Variants in ARHGEF11 observed in about 807,000 individuals in gnomAD.
ARHGEF11 encodes Rho guanine nucleotide exchange factor 11.
In ARHGEF11, 55 loss-of-function variants were observed where a neutral mutation model predicts 193.7. The observed-to-expected ratio is 0.28, with a 90% CI of 0.23 to 0.36. The LOEUF is 0.36. ARHGEF11 is among the 10% of genes least tolerant of loss of function. The pLI is 1.00. For missense variants in ARHGEF11, 1,723 were observed against 2,005.6 expected (o/e 0.86, Z 2.69); for synonymous variants, 693 against 768.0 (o/e 0.90, Z 1.62).
Position 156,937,382 on chromosome 1 carries a change from G to A in ARHGEF11, c.4307C>T (p.Pro1436Leu), listed in dbSNP as rs1381136751. Residue 1436 changes from proline (P) to leucine (L), a missense_variant, in exon 39 of 41, where the codon CCT (proline) becomes CTT (leucine). Transcript: ENST00000368194. ...GTTGCCTCCCTGCAGCTGAGGCTGA[G>A]GCTCTGTCTGCCCTGCAGGGAGGCT... is the stretch of plus-strand genomic sequence containing the variant. ...PDSLPAGQTE[P>L]QPQLQGGNDD... is the part of the protein sequence containing the mutation. 1.2e-6 allele frequency: 2 copies of A among 1,608,040 alleles called. No individual in the cohort carries two copies. The highest frequency in any genetic ancestry group is 1.1e-5 in the South Asian group (1 of 89,730).
At chr1:157,045,889 C>T (rs1000089680), upstream of ARHGEF11, among the ~76,000 whole-genome samples, 1 of 150,996 alleles carries the variant, frequency 6.6e-6, no homozygotes, top group Non-Finnish European at 1.5e-5. Flanking sequence ...CGGGGCGGGG[C>T]CGCAGGCTCC....
chr1:156,987,834 A>C (rs1571374707), intron 1 of ARHGEF11, among the ~76,000 whole-genome samples: 1 of 152,090 alleles, frequency 6.6e-6, no homozygotes, highest in East Asian at 1.9e-4. Context: ...GAGAAAGAAA[A>C]ACAAAACACG....
intron 1 of ARHGEF11, among the ~76,000 whole-genome samples, chr1:156,996,646 G>A (rs1271851871): frequency 2.6e-5 from 4 of 151,322 alleles, no homozygotes; most frequent in Admixed American, 2.6e-4. Flanking sequence ...GGTAGCGGGC[G>A]CCTGTAGTCC....
intron 1 of ARHGEF11, 82 bp from the exon 2 acceptor site, chr1:156,986,255 G>A: frequency 1.6e-6 from 2 of 1,235,624 alleles, no homozygotes; most frequent in Non-Finnish European, 2.3e-6. Flanking sequence ...CTGTCAAAAG[G>A]GGCCCTGAGT....
intron 11 of ARHGEF11, among the ~76,000 whole-genome samples, chr1:156,965,432 C>T (rs1221946170): frequency 6.6e-6 from 1 of 152,198 alleles, no homozygotes; most frequent in Non-Finnish European, 1.5e-5. Flanking sequence ...AGTAACAAGG[C>T]TAGCCCTTGA....
chr1:157,006,182 T>C (rs1667798065), intron 1 of ARHGEF11, among the ~76,000 whole-genome samples: 1 of 152,158 alleles, frequency 6.6e-6, no homozygotes, highest in South Asian at 2.1e-4. Flanking sequence ...CTGCCCAGCC[T>C]GGTCTTGAAC....
In ARHGEF11 at chr1:156,944,217, C is replaced by T. The variant is rs1657658043; in HGVS notation, c.3068-115G>A. On this transcript the variant is annotated intron_variant, in intron 31 of 40. Transcript: ENST00000368194. The stretch of plus-strand genomic sequence containing the variant: ...AGGAAGTCCTGGGAGTCTGGTGACC[C>T]CATTTCTCTCTCTGATTATTCCCTT... 5.6e-6 allele frequency: 8 copies of T among 1,431,418 alleles called. No individual in the cohort carries two copies. The South Asian group carries it at 1.0e-4, about 19-fold the overall frequency. 88.7% of individuals were successfully genotyped at this position (1,431,418 alleles called of 1,614,324 possible).
intron 14 of ARHGEF11, among the ~76,000 whole-genome samples, 196 bp downstream of exon 14, chr1:156,961,481 A>G (rs959508289): frequency 6.6e-6 from 1 of 152,196 alleles, no homozygotes; most frequent in Non-Finnish European, 1.5e-5. Flanking sequence ...TGTATTCTAT[A>G]TGTGGAACAA....
chr1:156,985,672 C>T (rs527456084), intron 2 of ARHGEF11: 1 of 152,992 alleles, frequency 6.5e-6, no homozygotes, highest in East Asian at 1.9e-4. Flanking sequence ...GATCTGCCTG[C>T]CTTGGCCTCC....
chr1:157,044,443 T>A lies in ARHGEF11; in HGVS notation c.-113A>T, dbSNP rs142192391. The A allele has an allele frequency of 7.4e-6, 7 of 950,530 alleles. No individual in the cohort carries two copies. In the African/African-American group the frequency reaches 1.1e-4, roughly 15 times the overall value. The allele number at this position is 950,530 out of a possible 1,614,324, so 58.9% of individuals were successfully genotyped here. ...AGAGGAGGGCCTCCCAACTTGAAGA[T>A]AGAATCCTTTCTCCTCCAGCTCTCA... On this transcript the variant is annotated 5_prime_UTR_variant, in exon 1 of 41. Transcript: ENST00000368194.
intron 1 of ARHGEF11, among the ~76,000 whole-genome samples, chr1:156,988,279 G>A (rs1189772738): frequency 6.6e-6 from 1 of 152,174 alleles, no homozygotes; most frequent in African/African-American, 2.4e-5. Context: ...TGACGCAATA[G>A]GGAGGGGCTC....
intron 1 of ARHGEF11, among the ~76,000 whole-genome samples, chr1:157,020,327 A>AC (rs1015576078): frequency 3.9e-5 from 6 of 152,186 alleles, no homozygotes; most frequent in African/African-American, 1.4e-4. Context: ...TTAAAAGAAA[A>AC]AACAGCATTA....
Position 156,944,007 on chromosome 1 carries a change from A to G in ARHGEF11, c.3163T>C (p.Ser1055Pro), listed in dbSNP as rs374600926. Residue 1055 changes from serine to proline, a missense_variant, in exon 32 of 41, where the codon TCC (serine) becomes CCC (proline). Physicochemically the swap from Ser to Pro is moderately conservative, Grantham distance 74 (BLOSUM62 -1). Coordinates refer to ENST00000368194, the MANE Select transcript of ARHGEF11 (RefSeq NM_198236.3). ...LKCHSKTAVG[S>P]SDSKQTFSPV... ...CTGAAGGTCTGCTTGCTGTCTGAGG[A>G]GCCCACAGCAGTCTTGCTGTGGCAC... is the stretch of plus-strand genomic sequence containing the variant. 185 of 1,614,040 alleles carry G rather than the reference A, an allele frequency of 1.1e-4. No homozygotes were observed. The highest frequency in any genetic ancestry group is 1.5e-4 in the Non-Finnish European group (180 of 1,180,008).
chr1:156,984,298 C>T (rs1664618339), intron 3 of ARHGEF11, 41 bp downstream of exon 3: 1 of 1,499,218 alleles, frequency 6.7e-7, no homozygotes, highest in Non-Finnish European at 9.1e-7. Context: ...GGTGGCTTTG[C>T]AAGAACTGTC....
At chr1:156,993,603 A>G (rs963148644) in intron 1 of ARHGEF11, among the ~76,000 whole-genome samples, 1 of 152,160 alleles carries the variant, frequency 6.6e-6, no homozygotes, top group Non-Finnish European at 1.5e-5. Context: ...AGCTCCAGAT[A>G]AAGTCCATAC....
chr1:156,995,559 C>CTTT (rs551046629), intron 1 of ARHGEF11, among the ~76,000 whole-genome samples: 5 of 143,808 alleles, frequency 3.5e-5, no homozygotes, highest in Admixed American at 1.4e-4. Context: ...TTTTCTTCTT[C>CTTT]TTTTTTTTTT....
Position 156,948,990 on chromosome 1 carries a change from A to G in ARHGEF11, c.1926-492T>C, listed in dbSNP as rs535690304. 2 of 985,468 alleles carry G rather than the reference A, an allele frequency of 2.0e-6. No homozygotes were observed. The highest frequency in any genetic ancestry group is 6.1e-5 in the Admixed American group (1 of 16,294). The allele number at this position is 985,468 out of a possible 1,614,324, so 61.0% of individuals were successfully genotyped here. ...GGCGAACCTCTTTTAAGAGGTCTTA[A>G]GAGGAAAGTGGAGTCACTATATTCA... On this transcript the variant is annotated intron_variant, in intron 22 of 40. Transcript: ENST00000368194. The surrounding 1 kb of genome is among the most constrained non-coding windows in gnomAD (Gnocchi z 4.2).
chr1:156,970,068 G>T, intron 8 of ARHGEF11, 25 bp from the exon 9 acceptor site: 1 of 1,611,224 alleles, frequency 6.2e-7, no homozygotes, highest in Non-Finnish European at 8.5e-7. Context: ...CCCACAGGGT[G>T]GGCAAATTCT....
At chr1:156,988,804 A>AG (rs1266736013) in intron 1 of ARHGEF11, among the ~76,000 whole-genome samples, 1 of 152,192 alleles carries the variant, frequency 6.6e-6, no homozygotes, top group East Asian at 1.9e-4. Flanking sequence ...ATGCAAAAAA[A>AG]ATTTTTTTTT....
Sources: gnomAD v4.1 joint callset for allele counts (sites outside exome capture counted in the v4.1 genomes callset) on GRCh38, gnomAD v4.1.1 for gene constraint, Gnocchi (gnomAD v3.1) non-coding constraint, MANE v1.5 for transcripts, NCBI Gene and HGNC (gene_info 2026-07-23, HGNC 2026-07-21) for gene names.